The following GNG12 variants were observed in gnomAD, a reference collection of about 807,000 sequenced individuals.
GNG12 encodes guanine nucleotide-binding protein G(I)/G(S)/G(O) subunit gamma-12.
For missense variants in GNG12, 69 were observed against 83.8 expected (o/e 0.82, Z 0.69); for synonymous variants, 28 against 29.7 (o/e 0.94, Z 0.19).
chr1:67,789,503 G>A (rs1360749210), intron 1 of GNG12, among the ~76,000 whole-genome samples: 9 of 152,170 alleles, frequency 5.9e-5, no homozygotes, highest in South Asian at 2.1e-4. Context: ...TAAAAGTTCC[G>A]GTTTTATTGG....
chr1:67,797,951 T>C (rs562788708), intron 1 of GNG12, among the ~76,000 whole-genome samples: 2 of 152,256 alleles, frequency 1.3e-5, no homozygotes, highest in East Asian at 3.9e-4. Flanking sequence ...ACCAGCCTCT[T>C]TGGCTCAAAT....
chr1:67,790,044 C>T (rs1179052520), intron 1 of GNG12, among the ~76,000 whole-genome samples: 2 of 152,170 alleles, frequency 1.3e-5, no homozygotes, highest in African/African-American at 4.8e-5. Flanking sequence ...AGGACTTGCT[C>T]ATCTTTTCCT....
intron 1 of GNG12, among the ~76,000 whole-genome samples, chr1:67,785,739 TATC>T (rs1346085289): frequency 6.6e-6 from 1 of 152,232 alleles, no homozygotes; most frequent in Admixed American, 6.5e-5. Context: ...GCAAGCATAC[TATC>T]ATGAGACACT....
intron 2 of GNG12, among the ~76,000 whole-genome samples, chr1:67,714,367 T>C (rs1351345319): frequency 6.6e-6 from 1 of 152,176 alleles, no homozygotes; most frequent in Non-Finnish European, 1.5e-5. Context: ...CTCACTCCCG[T>C]CCTGCCACTT....
At chr1:67,830,002 CTT>C (rs35214495) in intron 1 of GNG12, among the ~76,000 whole-genome samples, 2,379 of 117,322 alleles carry the variant, frequency 0.02, 44 homozygotes, top group African/African-American at 0.067. Context: ...AAGATGGAGG[CTT>C]TTTTTTTTTT....
At chr1:67,770,278 G>A (rs748332768) in intron 2 of GNG12, among the ~76,000 whole-genome samples, 7 of 152,204 alleles carry the variant, frequency 4.6e-5, no homozygotes, top group South Asian at 2.1e-4. Context: ...TTTCCAAGGT[G>A]GGTGGAATGG....
chr1:67,779,892 C>T (rs965835846), intron 1 of GNG12, among the ~76,000 whole-genome samples: 2 of 152,106 alleles, frequency 1.3e-5, no homozygotes, highest in African/African-American at 4.8e-5. Context: ...TAAACCTGGA[C>T]AGCATGTTAC....
chr1:67,717,699 CT>C (rs1646334019), intron 2 of GNG12, among the ~76,000 whole-genome samples: 1 of 152,120 alleles, frequency 6.6e-6, no homozygotes, highest in Non-Finnish European at 1.5e-5. Flanking sequence ...ACAGCCATTG[CT>C]TTCTGAAAAG....
chr1:67,707,839 T>C, intron 2 of GNG12, 127 bp from the exon 3 acceptor site: 1 of 560,456 alleles, frequency 1.8e-6, no homozygotes, highest in South Asian at 2.5e-5. Flanking sequence ...TTGGAGGCAG[T>C]TACTAAAACA....
At chr1:67,711,413 T>C (rs1646294824) in intron 2 of GNG12, among the ~76,000 whole-genome samples, 1 of 150,298 alleles carries the variant, frequency 6.7e-6, no homozygotes. Flanking sequence ...CATAGGATCC[T>C]GAGCTACAGA....
At chr1:67,807,800 T>C (rs1169747608) in intron 1 of GNG12, among the ~76,000 whole-genome samples, 1 of 152,142 alleles carries the variant, frequency 6.6e-6, no homozygotes, top group Non-Finnish European at 1.5e-5. Flanking sequence ...TTTATATTAA[T>C]GAAATTGAAT....
intron 1 of GNG12, among the ~76,000 whole-genome samples, chr1:67,809,236 C>A (rs991459589): frequency 1.3e-5 from 2 of 151,600 alleles, no homozygotes; most frequent in Admixed American, 6.6e-5. Context: ...CCTGCCCCCA[C>A]CAAAAAAGAA....
intron 2 of GNG12, among the ~76,000 whole-genome samples, chr1:67,735,446 A>G (rs1236107234): frequency 1.3e-5 from 2 of 152,224 alleles, no homozygotes; most frequent in Admixed American, 1.3e-4. Flanking sequence ...ACAGGGCTTA[A>G]GTTCTGGTTC....
chr1:67,719,378 G>GTCC (rs1646344602), intron 2 of GNG12, among the ~76,000 whole-genome samples: 1 of 152,160 alleles, frequency 6.6e-6, no homozygotes, highest in East Asian at 1.9e-4. Flanking sequence ...ATTCCTGAGG[G>GTCC]TGGGTCATGA....
chr1:67,806,194 A>G (rs1301096802), intron 1 of GNG12, among the ~76,000 whole-genome samples: 1 of 152,224 alleles, frequency 6.6e-6, no homozygotes, highest in Non-Finnish European at 1.5e-5. Context: ...TCAGATCTAC[A>G]TAAAGAAAGA....
chr1:67,791,495 C>T (rs147737390), intron 1 of GNG12, among the ~76,000 whole-genome samples: 48 of 152,252 alleles, frequency 3.2e-4, no homozygotes, highest in African/African-American at 9.1e-4. Flanking sequence ...CCACACTGCT[C>T]TCCCTTCTTG....
rs1014268416 is a variant in GNG12 at position 67,715,563 on chromosome 1, C to T, written c.-26-7851G>A. On this transcript the variant is annotated intron_variant, in intron 2 of 3. Coordinates refer to ENST00000370982, the MANE Select transcript of GNG12 (RefSeq NM_018841.6). ...GGGCAAGTGGAGGCATCATAGTGTC[C>T]AGTCACTAGCAACACAGGACTGAGA... Among the ~76,000 whole-genome samples the T allele has an allele frequency of 3.3e-5, 5 of 152,260 alleles. No individual in the cohort carries two copies. The East Asian group carries it at 9.7e-4, about 29-fold the overall frequency.
chr1:67,704,168 T>A lies in GNG12; in HGVS notation c.*1283A>T, dbSNP rs565737041. 6.6e-6 allele frequency: 1 copy of A among 152,316 alleles called. No individual in the cohort carries two copies. Among genetic ancestry groups the A allele is most frequent in the African/African-American group, 2.4e-5 (1 of 41,566 alleles). The allele number at this position is 152,316 out of a possible 1,614,324, so 9.4% of individuals were successfully genotyped here. On this transcript the variant is annotated 3_prime_UTR_variant, in exon 4 of 4. Transcript: ENST00000370982. Reference sequence around the variant, plus strand: ...CAGAGGAAAATCAAGGAACCCCATATCCAGCTGCTAAAGCCCTTGGGCCCA... The same window carrying A: ...CAGAGGAAAATCAAGGAACCCCATAACCAGCTGCTAAAGCCCTTGGGCCCA...
chr1:67,710,054 ATATATATAGT>A (rs1646280785), intron 2 of GNG12, among the ~76,000 whole-genome samples: 1 of 51,288 alleles, frequency 1.9e-5, no homozygotes, highest in Non-Finnish European at 3.7e-5. Context: ...ATATAGTTAT[ATATATATAGT>A]TATATATATA....
Sources: allele counts gnomAD v4.1 joint callset (sites outside exome capture counted in the v4.1 genomes callset), GRCh38; gene constraint gnomAD v4.1.1; transcripts MANE v1.5; gene names NCBI Gene and HGNC (gene_info 2026-07-23, HGNC 2026-07-21).